IKZF5: variants seen among roughly 807,000 people sequenced by gnomAD.
IKZF5 encodes zinc finger protein Pegasus.
In IKZF5, 4 loss-of-function variants were observed where a neutral mutation model predicts 30.7. That is an observed-to-expected ratio of 0.13 (90% CI 0.06 to 0.30). The LOEUF (loss-of-function observed/expected upper bound fraction) is 0.30, where lower values mean the gene tolerates loss of function less well. Ranked by LOEUF, IKZF5 falls within the 10% of genes least tolerant of loss-of-function variation. IKZF5 has a pLI of 1.00. For missense variants in IKZF5, 348 were observed against 525.5 expected (o/e 0.66, Z 3.30); for synonymous variants, 148 against 179.6 (o/e 0.82, Z 1.41).
At chr10:122,996,675 G>A (rs1849384234) in intron 3 of IKZF5, among the ~76,000 whole-genome samples, 1 of 152,222 alleles carries the variant, frequency 6.6e-6, no homozygotes, top group Non-Finnish European at 1.5e-5. Flanking sequence ...CTGTACTCCA[G>A]CCTGGGCGAC....
At position 122,993,659 on chromosome 10, in the gene IKZF5, CTATAAA is replaced by C. The variant is rs1849245795; in HGVS notation, c.*115_*120del. On this transcript the variant is annotated 3_prime_UTR_variant, in exon 5 of 5. Coordinates refer to ENST00000368886, the MANE Select transcript of IKZF5 (RefSeq NM_001372123.1). ...TTTATTCCACTGACAAATTTATATT[CTATAAA>C]TATAATGTATAAGCCTTGAATTAGC... 4 of 577,420 alleles carry C rather than the reference CTATAAA, an allele frequency of 6.9e-6. No homozygotes were observed. The highest frequency in any genetic ancestry group is 1.2e-5 in the Non-Finnish European group (4 of 344,378). The allele number at this position is 577,420 out of a possible 1,614,324, so 35.8% of individuals were successfully genotyped here. A position where few individuals can be genotyped will look rare whatever the true frequency, so the allele number is the denominator to read the frequency against.
Position 122,994,893 on chromosome 10 carries a change from T to C in IKZF5, c.317-170A>G. The C allele has an allele frequency of 1.7e-6, 1 of 604,302 alleles. No individual in the cohort carries two copies. The highest frequency in any genetic ancestry group is 2.9e-6 in the Non-Finnish European group (1 of 349,846). 37.4% of individuals were successfully genotyped at this position (604,302 alleles called of 1,614,324 possible). ...AAAATTTGTAAATAAACCCACAAAT[T>C]GAAATAAAGCTTAAGAACTCATCAG... On this transcript the variant is annotated intron_variant, in intron 4 of 4. Transcript: ENST00000368886. This position sits in a 1 kb window ranked among gnomAD's most constrained non-coding sequence, Gnocchi z 5.6.
In IKZF5 at chr10:122,994,692, T is replaced by C. The variant is rs773624127; in HGVS notation, c.348A>G (p.Pro116=). 6 of 1,608,528 alleles carry C rather than the reference T, an allele frequency of 3.7e-6. No homozygotes were observed. The highest frequency in any genetic ancestry group is 1.1e-5 in the South Asian group (1 of 89,840). The change falls in exon 5 of 5, where the codon CCA becomes CCG. Residue 116 remains proline (P), a synonymous_variant. Transcript: ENST00000368886. The surrounding 1 kb of genome is among the most constrained non-coding windows in gnomAD (Gnocchi z 5.6). ...GEKPHRCHLC[P]FASAYERHLE... ...GATGACGCTCATAAGCAGATGCAAA[T>C]GGACAAAGATGACATCGATGAGGTT...
At chr10:122,998,367 C>G in intron 3 of IKZF5, 126 bp downstream of exon 3, 1 of 763,350 alleles carries the variant, frequency 1.3e-6, no homozygotes, top group Admixed American at 3.2e-5. Flanking sequence ...AAAAAATGCC[C>G]TGTATCTTTC....
chr10:123,007,497 C>T (rs996569221), intron 1 of IKZF5, among the ~76,000 whole-genome samples: 35 of 152,188 alleles, frequency 2.3e-4, no homozygotes, highest in Non-Finnish European at 7.3e-5. Flanking sequence ...TCACAGCACA[C>T]TTCCAAAACG....
intron 3 of IKZF5, 128 bp from the exon 4 acceptor site, chr10:122,996,304 A>G: frequency 1.4e-6 from 1 of 732,194 alleles, no homozygotes; most frequent in Non-Finnish European, 2.2e-6. Context: ...AGTCCATTTT[A>G]TAACAGACTT....
chr10:122,995,882 C>A (rs1849350238), intron 4 of IKZF5, 112 bp downstream of exon 4: 3 of 1,014,218 alleles, frequency 3.0e-6, no homozygotes, highest in African/African-American at 3.2e-5. Context: ...TCGAACTTTA[C>A]ATAAACCTTC....
chr10:122,998,703 T>C, intron 2 of IKZF5, 32 bp from the exon 3 acceptor site: 4 of 1,247,310 alleles, frequency 3.2e-6, no homozygotes, highest in East Asian at 2.3e-5. Flanking sequence ...TAGGGAGATC[T>C]AGTACATAGC....
At position 122,991,230 on chromosome 10, in the gene IKZF5, G is replaced by A. The variant is rs1849152799; in HGVS notation, c.*2550C>T. 1 of 152,084 alleles carries A rather than the reference G, an allele frequency of 6.6e-6. No individual in the cohort carries two copies. The highest frequency in any genetic ancestry group is 2.4e-5 in the African/African-American group (1 of 41,408). 9.4% of individuals were successfully genotyped at this position (152,084 alleles called of 1,614,324 possible). On this transcript the variant is annotated 3_prime_UTR_variant, in exon 5 of 5. Coordinates refer to ENST00000368886, the MANE Select transcript of IKZF5 (RefSeq NM_001372123.1). Reference sequence around the variant, plus strand: ...AAACACCCAGTGGAATTTTTTCAAAGTAAATGTCTAGCCTTAACTTGAAGT... The same window carrying A: ...AAACACCCAGTGGAATTTTTTCAAAATAAATGTCTAGCCTTAACTTGAAGT...
intron 2 of IKZF5, among the ~76,000 whole-genome samples, chr10:123,000,210 C>T (rs1028415653): frequency 1.3e-5 from 2 of 152,214 alleles, no homozygotes; most frequent in Non-Finnish European, 2.9e-5. Flanking sequence ...AAACCCCCCT[C>T]GTGTACCCTT....
In IKZF5 at chr10:122,998,732, A is replaced by T. The variant is rs545751874; in HGVS notation, c.-46-61T>A. ...ACATAGCAAACAAATGACAAAAGCT[A>T]TTTTGTGCAAGACACTATATAAAGC... is the stretch of plus-strand genomic sequence containing the variant. On this transcript the variant is annotated intron_variant, in intron 2 of 4. Transcript: ENST00000368886. 20 of 938,476 alleles carry T rather than the reference A, an allele frequency of 2.1e-5. No homozygotes were observed. In the Admixed American group the frequency reaches 2.7e-4, roughly 13 times the overall value. The allele number at this position is 938,476 out of a possible 1,614,324, so 58.1% of individuals were successfully genotyped here. A position where few individuals can be genotyped will look rare whatever the true frequency, so the allele number is the denominator to read the frequency against.
chr10:122,992,550 A>G lies in IKZF5; in HGVS notation c.*1230T>C, dbSNP rs1849200456. 1 of 152,180 alleles carries G rather than the reference A, an allele frequency of 6.6e-6. No homozygotes were observed. The highest frequency in any genetic ancestry group is 1.9e-4 in the East Asian group (1 of 5,204). The allele number at this position is 152,180 out of a possible 1,614,324, so 9.4% of individuals were successfully genotyped here. On this transcript the variant is annotated 3_prime_UTR_variant, in exon 5 of 5. Coordinates refer to ENST00000368886, the MANE Select transcript of IKZF5 (RefSeq NM_001372123.1). ...TCCTATTCAAAATGAATTACTCTAT[A>G]TTTAGTAAGTCTTATTTTTATAAAC... is the stretch of plus-strand genomic sequence containing the variant.
intron 4 of IKZF5, among the ~76,000 whole-genome samples, 194 bp downstream of exon 4, chr10:122,995,800 G>A (rs1013084627): frequency 5.3e-5 from 8 of 152,154 alleles, no homozygotes; most frequent in Admixed American, 1.3e-4. Context: ...GATCTACAAA[G>A]GGCATCACTT....
At chr10:123,005,834 A>G (rs953625005) in intron 2 of IKZF5, among the ~76,000 whole-genome samples, 1 of 152,202 alleles carries the variant, frequency 6.6e-6, no homozygotes, top group Non-Finnish European at 1.5e-5. Context: ...AGCCTCCAGA[A>G]CTGTGAGAAA....
chr10:123,008,085 C>T (rs533007990), intron 1 of IKZF5, among the ~76,000 whole-genome samples: 1 of 152,230 alleles, frequency 6.6e-6, no homozygotes, highest in East Asian at 1.9e-4. Flanking sequence ...AGATCTAAAC[C>T]CCGAATGAAC....
intron 2 of IKZF5, among the ~76,000 whole-genome samples, chr10:123,002,074 T>C (rs1849606437): frequency 6.6e-6 from 1 of 152,368 alleles, no homozygotes; most frequent in East Asian, 1.9e-4. Flanking sequence ...ACTTCTTGTC[T>C]TCTCTCTTCA....
Position 122,993,659 on chromosome 10 carries a change from C to G in IKZF5, c.*121G>C, listed in dbSNP as rs1296870406. 1.0e-5 allele frequency: 6 copies of G among 577,420 alleles called. No individual in the cohort carries two copies. Among genetic ancestry groups the G allele is most frequent in the Non-Finnish European group, 1.7e-5 (6 of 344,378 alleles). The allele number at this position is 577,420 out of a possible 1,614,324, so 35.8% of individuals were successfully genotyped here. ...TTTATTCCACTGACAAATTTATATT[C>G]TATAAATATAATGTATAAGCCTTGA... On this transcript the variant is annotated 3_prime_UTR_variant, in exon 5 of 5. Coordinates refer to ENST00000368886, the MANE Select transcript of IKZF5 (RefSeq NM_001372123.1).
chr10:123,002,819 G>A (rs1480260670), intron 2 of IKZF5, among the ~76,000 whole-genome samples: 3 of 149,420 alleles, frequency 2.0e-5, no homozygotes, highest in African/African-American at 7.4e-5. Context: ...AACATTATTA[G>A]TATTACTACC....
intron 2 of IKZF5, among the ~76,000 whole-genome samples, chr10:123,002,154 T>C (rs1849609317): frequency 6.6e-6 from 1 of 152,210 alleles, no homozygotes; most frequent in Non-Finnish European, 1.5e-5. Context: ...AATTCTCTTT[T>C]CTTAATTCAA....
Sources: gnomAD v4.1 joint callset for allele counts (sites outside exome capture counted in the v4.1 genomes callset) on GRCh38, gnomAD v4.1.1 for gene constraint, Gnocchi (gnomAD v3.1) non-coding constraint, MANE v1.5 for transcripts, NCBI Gene and HGNC (gene_info 2026-07-23, HGNC 2026-07-21) for gene names.